The following MARCHF1 variants were observed in gnomAD, a reference collection of about 807,000 sequenced individuals.
The protein encoded by MARCHF1 is membrane associated ring-CH-type finger 1.
MARCHF1 carries 40 observed loss-of-function variants against 54.2 expected under a neutral mutation model. The observed-to-expected ratio is 0.74, with a 90% CI of 0.57 to 0.96. The LOEUF is 0.96. Among genes scored for constraint, MARCHF1 ranks in the 40% least tolerant of loss-of-function variants. The pLI is 0.00. For missense variants in MARCHF1, 586 were observed against 656.5 expected, an observed-to-expected ratio of 0.89 and a Z score of 1.17; for synonymous variants, 236 against 236.3, an observed-to-expected ratio of 1.00 and a Z score of 0.01.
intron 3 of MARCHF1, among the ~76,000 whole-genome samples, chr4:163,938,549 C>T (rs972851309): frequency 2.0e-5 from 3 of 152,188 alleles, no homozygotes; most frequent in Admixed American, 2.0e-4. Context: ...ACATTGTACC[C>T]TGGCACACTG....
At chr4:164,012,098 A>T (rs1286177253) in intron 2 of MARCHF1, among the ~76,000 whole-genome samples, 1 of 152,168 alleles carries the variant, frequency 6.6e-6, no homozygotes, top group Non-Finnish European at 1.5e-5. Context: ...CCACTAGCTG[A>T]CGAAATTGGC....
intron 2 of MARCHF1, among the ~76,000 whole-genome samples, chr4:164,060,301 G>A (rs914259126): frequency 2.6e-5 from 4 of 151,988 alleles, no homozygotes; most frequent in Non-Finnish European, 4.4e-5. Flanking sequence ...GATTACATGT[G>A]TAATTATAAT....
At chr4:163,535,373 C>T (rs1285522679) in intron 9 of MARCHF1, among the ~76,000 whole-genome samples, 3 of 152,090 alleles carry the variant, frequency 2.0e-5, no homozygotes, top group Non-Finnish European at 4.4e-5. Flanking sequence ...TATTTCAATT[C>T]TCCCTTCTTC....
chr4:163,655,787 A>G (rs1196917790), intron 5 of MARCHF1, among the ~76,000 whole-genome samples: 1 of 152,064 alleles, frequency 6.6e-6, no homozygotes, highest in Admixed American at 6.6e-5. Flanking sequence ...GAAATTGAAC[A>G]ACCTGCTTCT....
chr4:163,791,003 A>T lies in MARCHF1; in HGVS notation c.111+63018T>A, dbSNP rs80299329. 6.7e-3 allele frequency among the ~76,000 whole-genome samples: 1,017 copies of T among 152,268 alleles called. 7 individuals carry two copies. The highest frequency in any genetic ancestry group is 0.03 in the South Asian group (143 of 4,824). On this transcript the variant is annotated intron_variant, in intron 4 of 9. Transcript: ENST00000514618. ...ATGTTTTTGAAAAAAGAGTAACAAA[A>T]TGACTCATTGACTCCTCTTTGGTTT...
At chr4:163,826,438 G>A (rs1345984962) in intron 4 of MARCHF1, among the ~76,000 whole-genome samples, 2 of 152,006 alleles carry the variant, frequency 1.3e-5, no homozygotes, top group Admixed American at 6.6e-5. Context: ...TTTGGATAAA[G>A]TGACTTACAA....
At chr4:163,586,618 A>G (rs543694896) in intron 7 of MARCHF1, among the ~76,000 whole-genome samples, 39 of 152,344 alleles carry the variant, frequency 2.6e-4, no homozygotes, top group Non-Finnish European at 5.0e-4. Flanking sequence ...TAATTCATAC[A>G]TGGAAGTCAA....
chr4:164,187,544 T>C (rs1420495976), intron 1 of MARCHF1, among the ~76,000 whole-genome samples: 2 of 152,148 alleles, frequency 1.3e-5, no homozygotes, highest in African/African-American at 4.8e-5. Context: ...GCTCATGCTG[T>C]CTGCTGTGCT....
At chr4:164,239,564 C>G (rs138814875) in intron 1 of MARCHF1, among the ~76,000 whole-genome samples, 12 of 152,148 alleles carry the variant, frequency 7.9e-5, no homozygotes, top group Admixed American at 4.6e-4. Context: ...ATACAGTATT[C>G]AGATTGCTTT....
intron 9 of MARCHF1, 106 bp downstream of exon 9, chr4:163,545,490 G>T (rs1183407470): frequency 2.0e-6 from 2 of 991,030 alleles, no homozygotes; most frequent in Non-Finnish European, 3.0e-6. Flanking sequence ...AGCTTTTCTA[G>T]TGTATCATAC....
chr4:164,081,207 C>CAAAAAAAAAAAAAAAAAAAAAAAAAAAAA (rs60753810), intron 2 of MARCHF1, among the ~76,000 whole-genome samples: 1 of 18,404 alleles, frequency 5.4e-5, no homozygotes, highest in African/African-American at 1.8e-4. Flanking sequence ...GACGCTGTCT[C>CAAAAAAAAAAAAAAAAAAAAAAAAAAAAA]AAAAAAAAAA....
At chr4:163,651,157 G>T (rs1742949022) in intron 5 of MARCHF1, among the ~76,000 whole-genome samples, 1 of 151,902 alleles carries the variant, frequency 6.6e-6, no homozygotes, top group African/African-American at 2.4e-5. Context: ...TGAATGAATG[G>T]CTTGTTTTGG....
chr4:163,947,514 G>T (rs968123948), intron 3 of MARCHF1, among the ~76,000 whole-genome samples: 26 of 152,222 alleles, frequency 1.7e-4, no homozygotes, highest in African/African-American at 6.3e-4. Flanking sequence ...AAGTGTCAGA[G>T]TCAGAGAAGA....
intron 2 of MARCHF1, among the ~76,000 whole-genome samples, chr4:164,087,951 G>A (rs937437358): frequency 2.0e-5 from 3 of 152,104 alleles, no homozygotes; most frequent in Admixed American, 6.5e-5. Context: ...ATGGATGACT[G>A]ACATTGAAAT....
chr4:164,143,730 A>G (rs1386747417), intron 1 of MARCHF1, among the ~76,000 whole-genome samples: 1 of 152,214 alleles, frequency 6.6e-6, no homozygotes, highest in East Asian at 1.9e-4. Flanking sequence ...GCCAAAATGT[A>G]AAGACCATAG....
intron 1 of MARCHF1, among the ~76,000 whole-genome samples, chr4:164,127,514 G>A (rs1020364094): frequency 1.3e-5 from 2 of 152,108 alleles, no homozygotes; most frequent in African/African-American, 4.8e-5. Flanking sequence ...ATGATAAAAT[G>A]TATTACATGG....
rs1740391906 is a variant in MARCHF1, at chr4:163,585,817, C to T, written c.1123G>A (p.Asp375Asn). Residue 375 changes from aspartate to asparagine, a missense_variant, in exon 8 of 10, where the codon GAT becomes AAT. By Grantham distance (23) the Asp-to-Asn change is conservative. Transcript: ENST00000514618. The part of the protein sequence containing the change: ...SCLHQWIKSS[D>N]TRCCELCKYD... ...TTGCAGAGCTCACAGCAGCGTGTAT[C>T]TGAGCTCTTTATCCACTGGTGGAGG... 2 of 1,613,876 alleles carry T rather than the reference C, an allele frequency of 1.2e-6. No homozygotes were observed. The highest frequency in any genetic ancestry group is 1.3e-5 in the African/African-American group (1 of 74,912).
chr4:164,313,743 A>T (rs1437732420), intron 1 of MARCHF1, among the ~76,000 whole-genome samples: 1 of 152,190 alleles, frequency 6.6e-6, no homozygotes, highest in Non-Finnish European at 1.5e-5. Flanking sequence ...AGATTTCCTA[A>T]CTCAGTGGAT....
chr4:163,990,490 TA>T (rs963988922), intron 2 of MARCHF1, among the ~76,000 whole-genome samples: 1 of 152,182 alleles, frequency 6.6e-6, no homozygotes, highest in Non-Finnish European at 1.5e-5. Context: ...AAAATAGTTT[TA>T]AAAAATAGGT....
Sources: gnomAD v4.1 joint callset for allele counts (sites outside exome capture counted in the v4.1 genomes callset) on GRCh38, gnomAD v4.1.1 for gene constraint, MANE v1.5 for transcripts, NCBI Gene and HGNC (gene_info 2026-07-23, HGNC 2026-07-21) for gene names.